Variants in NOP58 observed in about 807,000 individuals in gnomAD.
The protein encoded by NOP58 is NOP58 ribonucleoprotein.
NOP58 carries 44 observed loss-of-function variants against 71.2 expected under a neutral mutation model. The observed-to-expected ratio is 0.62, with a 90% CI of 0.49 to 0.79. The LOEUF (loss-of-function observed/expected upper bound fraction) is 0.79, where lower values mean the gene tolerates loss of function less well. Ranked by LOEUF, NOP58 falls within the 30% of genes least tolerant of loss-of-function variation. The probability of loss-of-function intolerance (pLI) is 0.00; values close to 1 mark genes in which losing one functional copy is unlikely to be tolerated. For synonymous variants in NOP58, 228 were observed against 200.3 expected (o/e 1.14, Z -1.17); for missense variants, 538 against 620.2 (o/e 0.87, Z 1.41).
chr2:202,293,628 C>T (rs570554008), intron 9 of NOP58, among the ~76,000 whole-genome samples: 3 of 152,206 alleles, frequency 2.0e-5, no homozygotes, highest in East Asian at 3.9e-4. Flanking sequence ...GTTGCACTGG[C>T]TGGAGTGCAG....
intron 3 of NOP58, 141 bp from the exon 4 acceptor site, chr2:202,282,210 A>G: frequency 1.5e-6 from 1 of 659,508 alleles, no homozygotes; most frequent in Non-Finnish European, 2.5e-6. Flanking sequence ...CTTATAAAAC[A>G]TATATCATTT....
rs1688923097 is a variant in NOP58, at chr2:202,292,648, G to A, written c.781-129G>A. On this transcript the variant is annotated intron_variant, in intron 8 of 14. Transcript: ENST00000264279. Reference sequence around the variant, plus strand: ...AAAAAGAAAACTGATGTTAGGCATAGGTGATGTACCCAGTACCCAGGGTTG... The same window carrying A: ...AAAAAGAAAACTGATGTTAGGCATAAGTGATGTACCCAGTACCCAGGGTTG... 10 of 688,664 alleles carry A rather than the reference G, an allele frequency of 1.5e-5. No individual in the cohort carries two copies. The South Asian group carries it at 1.8e-4, about 13-fold the overall frequency. The allele number at this position is 688,664 out of a possible 1,614,324, so 42.7% of individuals were successfully genotyped here.
At chr2:202,295,086 A>G (rs778852194) in intron 9 of NOP58, among the ~76,000 whole-genome samples, 4 of 152,322 alleles carry the variant, frequency 2.6e-5, no homozygotes, top group African/African-American at 2.4e-5. Flanking sequence ...GAGATGATTC[A>G]TGTCCTGGGG....
chr2:202,300,352 A>G lies in NOP58; in HGVS notation c.1387A>G (p.Lys463Glu). 1.3e-6 allele frequency: 2 copies of G among 1,588,944 alleles called. No individual in the cohort carries two copies. The highest frequency in any genetic ancestry group is 1.2e-5 in the South Asian group (1 of 85,684). The change falls in exon 13 of 15, where the codon AAG (lysine) becomes GAG (glutamate). Residue 463 changes from lysine (K) to glutamate (E), a missense_variant. Lys to Glu is a moderately conservative substitution (Grantham distance 56). Transcript: ENST00000264279. ...TACTGAAAAGAAAGCCAAAAAAGCCAAGATTAAAGTTAAAGGTTAGTTTGA... is the reference window on the plus strand; with the variant it reads ...TACTGAAAAGAAAGCCAAAAAAGCCGAGATTAAAGTTAAAGGTTAGTTTGA... ...EITEKKAKKA[K>E]IKVKVEEEEE...
intron 9 of NOP58, among the ~76,000 whole-genome samples, chr2:202,294,563 T>C (rs755722072): frequency 6.6e-6 from 1 of 152,208 alleles, no homozygotes; most frequent in Non-Finnish European, 1.5e-5. Context: ...CTGAATCCTA[T>C]ACTGTATATG....
intron 4 of NOP58, among the ~76,000 whole-genome samples, chr2:202,283,638 A>T (rs1275257986): frequency 6.6e-6 from 1 of 150,542 alleles, no homozygotes; most frequent in Non-Finnish European, 1.5e-5. Context: ...ACGGGGTTTC[A>T]TCATGTTGGC....
chr2:202,281,126 T>G (rs1688695109), intron 3 of NOP58, among the ~76,000 whole-genome samples: 2 of 148,298 alleles, frequency 1.3e-5, no homozygotes, highest in African/African-American at 5.3e-5. Context: ...TTTTCTTTTC[T>G]TTTTCTTTTT....
intron 11 of NOP58, 114 bp from the exon 12 acceptor site, chr2:202,297,731 C>CAA: frequency 1.2e-6 from 1 of 810,218 alleles, no homozygotes. Context: ...AATAACAAAA[C>CAA]AAAAAATAGC....
intron 2 of NOP58, among the ~76,000 whole-genome samples, chr2:202,275,910 C>G (rs1033233045): frequency 6.6e-6 from 1 of 152,170 alleles, no homozygotes; most frequent in Admixed American, 6.5e-5. Context: ...CTCAGGCGAT[C>G]CGCCTGCCTC....
At chr2:202,266,353 C>T (rs971238354) in intron 1 of NOP58, among the ~76,000 whole-genome samples, 9 of 151,176 alleles carry the variant, frequency 6.0e-5, no homozygotes, top group African/African-American at 2.2e-4. Context: ...TGCTGGAGTG[C>T]AGTGGCGCAA....
intron 7 of NOP58, 99 bp from the exon 8 acceptor site, chr2:202,291,026 C>T: frequency 9.0e-7 from 1 of 1,115,290 alleles, no homozygotes; most frequent in Non-Finnish European, 1.3e-6. Context: ...TTTAGGCATC[C>T]TTTTCATTGG....
chr2:202,266,367 T>C (rs924042664), intron 1 of NOP58, among the ~76,000 whole-genome samples: 3 of 152,046 alleles, frequency 2.0e-5, no homozygotes, highest in Middle Eastern at 3.2e-3. Flanking sequence ...GGCGCAATCT[T>C]GGCTCACTGC....
At chr2:202,279,731 T>G (rs553651341) in intron 3 of NOP58, among the ~76,000 whole-genome samples, 1 of 152,284 alleles carries the variant, frequency 6.6e-6, no homozygotes, top group African/African-American at 2.4e-5. Context: ...TAGGCAGAGA[T>G]AGCACTGAGC....
At chr2:202,268,014 C>A (rs1574373739) in intron 1 of NOP58, among the ~76,000 whole-genome samples, 2 of 152,076 alleles carry the variant, frequency 1.3e-5, no homozygotes, top group East Asian at 3.8e-4. Flanking sequence ...TAACATTGAT[C>A]GTTTCTGAGT....
chr2:202,297,968 AT>A, intron 12 of NOP58, 62 bp downstream of exon 12: 1 of 1,036,618 alleles, frequency 9.6e-7, no homozygotes, highest in Non-Finnish European at 1.4e-6. Context: ...ATTGACAGTA[AT>A]TTTTTATTGT....
intron 9 of NOP58, among the ~76,000 whole-genome samples, chr2:202,295,401 AG>A (rs1444692077): frequency 6.6e-6 from 1 of 152,222 alleles, no homozygotes; most frequent in African/African-American, 2.4e-5. Flanking sequence ...AATTTAGAAT[AG>A]TACTGCCATC....
At chr2:202,273,716 G>C (rs1336553549) in intron 1 of NOP58, among the ~76,000 whole-genome samples, 1 of 152,228 alleles carries the variant, frequency 6.6e-6, no homozygotes, top group Non-Finnish European at 1.5e-5. Context: ...GCCGAGGCAG[G>C]TGGATCACCT....
chr2:202,267,310 A>G (rs1269510227), intron 1 of NOP58, among the ~76,000 whole-genome samples: 3 of 152,196 alleles, frequency 2.0e-5, no homozygotes, highest in Non-Finnish European at 2.9e-5. Context: ...GATGCAAGAA[A>G]GTCTGGATGG....
At chr2:202,266,875 C>T (rs1688425788) in intron 1 of NOP58, among the ~76,000 whole-genome samples, 1 of 152,172 alleles carries the variant, frequency 6.6e-6, no homozygotes, top group Non-Finnish European at 1.5e-5. Flanking sequence ...TGGGGAAGGA[C>T]TAAAGATTTC....
Sources: allele counts gnomAD v4.1 joint callset (sites outside exome capture counted in the v4.1 genomes callset), GRCh38; gene constraint gnomAD v4.1.1; transcripts MANE v1.5; gene names NCBI Gene and HGNC (gene_info 2026-07-23, HGNC 2026-07-21).